The following MMP12 variants were observed in gnomAD, a reference collection of about 807,000 sequenced individuals.
The protein encoded by MMP12 is matrix metallopeptidase 12.
Under a neutral mutation model 45.2 loss-of-function variants are expected in MMP12, and 51 were observed. The observed-to-expected ratio is 1.13, with a 90% CI of 0.90 to 1.42. The LOEUF is 1.42. MMP12 is among the 40% of genes most tolerant of loss of function. The probability of loss-of-function intolerance (pLI) is 0.00; values close to 1 mark genes in which losing one functional copy is unlikely to be tolerated. For missense variants in MMP12, 530 were observed against 570.8 expected, an observed-to-expected ratio of 0.93 and a Z score of 0.73; for synonymous variants, 210 against 193.3, an observed-to-expected ratio of 1.09 and a Z score of -0.72.
intron 4 of MMP12, among the ~76,000 whole-genome samples, chr11:102,870,486 A>G (rs1304233232): frequency 6.6e-6 from 1 of 152,250 alleles, no homozygotes; most frequent in Non-Finnish European, 1.5e-5. Context: ...GTGCAATATC[A>G]GCTAGAGAGG....
At chr11:102,872,441 C>T (rs555802742) in intron 2 of MMP12, among the ~76,000 whole-genome samples, 5 of 152,020 alleles carry the variant, frequency 3.3e-5, no homozygotes, top group East Asian at 1.9e-4. Flanking sequence ...CCTGGGTTCA[C>T]GCCATTCTCC....
chr11:102,863,357 G>A (rs1859326558), intron 9 of MMP12, among the ~76,000 whole-genome samples, 157 bp from the exon 10 acceptor site: 1 of 152,144 alleles, frequency 6.6e-6, no homozygotes, highest in African/African-American at 2.4e-5. Context: ...GCTGAGATGG[G>A]AAGACTGCTT....
chr11:102,864,280 T>G (rs1406018240), intron 8 of MMP12, 28 bp from the exon 9 acceptor site: 1 of 1,528,132 alleles, frequency 6.5e-7, no homozygotes, highest in Non-Finnish European at 9.1e-7. Context: ...CAGCAGGAAC[T>G]CAATCAGAAA....
chr11:102,873,454 T>C (rs1480787736), intron 1 of MMP12, among the ~76,000 whole-genome samples: 1 of 151,826 alleles, frequency 6.6e-6, no homozygotes, highest in East Asian at 1.9e-4. Context: ...ACAAAAATTA[T>C]CCCAGAGCGT....
At position 102,863,195 on chromosome 11, in the gene MMP12, A is replaced by C. The variant is rs1555008062; in HGVS notation, c.1318T>G (p.Tyr440Asp). The C allele has an allele frequency of 6.4e-7, 1 of 1,568,006 alleles. No homozygotes were observed. Among genetic ancestry groups the C allele is most frequent in the East Asian group, 2.3e-5 (1 of 44,430 alleles). The change falls in exon 10 of 10, where the codon TAC (tyrosine) becomes GAC (aspartate). Residue 440 changes from tyrosine (Y) to aspartate (D), a missense_variant. Tyr to Asp is a radical substitution (Grantham distance 160). Transcript: ENST00000571244. ...DAVFYSKNKYYYFFQGSNQFE... is the reference protein window; with the variant it reads ...DAVFYSKNKYDYFFQGSNQFE... ...TGGTTAGATCCTTGGAAGAAATAGT[A>C]GTATTCTGAAAATGAAAACAAATTA...
intron 8 of MMP12, among the ~76,000 whole-genome samples, chr11:102,864,845 A>G (rs948467911): frequency 1.3e-5 from 2 of 152,172 alleles, no homozygotes; most frequent in East Asian, 1.9e-4. Flanking sequence ...GTGTTTATCA[A>G]TTTGGTTCTC....
rs148977841 is a variant in MMP12, at chr11:102,862,783, G to A, written c.*317C>T. On this transcript the variant is annotated 3_prime_UTR_variant, in exon 10 of 10. Transcript: ENST00000571244. ...GCCAAAATATATATACTTAATTTTA[G>A]TTATGCCAGAAGTAAGTATAATTTC... 12 of 173,886 alleles carry A rather than the reference G, an allele frequency of 6.9e-5. No homozygotes were observed. The East Asian group carries it at 1.6e-3, about 23-fold the overall frequency. 10.8% of individuals were successfully genotyped at this position (173,886 alleles called of 1,614,324 possible). A position where few individuals can be genotyped will look rare whatever the true frequency, so the allele number is the denominator to read the frequency against.
chr11:102,867,775 C>T (rs1859421166), intron 5 of MMP12, 133 bp downstream of exon 5: 1 of 902,234 alleles, frequency 1.1e-6, no homozygotes, highest in Non-Finnish European at 1.7e-6. Context: ...ATACCTGTGT[C>T]ACCTGCCACA....
intron 1 of MMP12, among the ~76,000 whole-genome samples, chr11:102,874,271 G>T (rs1462507094): frequency 1.3e-5 from 2 of 151,998 alleles, no homozygotes; most frequent in Non-Finnish European, 2.9e-5. Context: ...ATGGGGCCTG[G>T]CATGGTGGCT....
intron 4 of MMP12, among the ~76,000 whole-genome samples, chr11:102,871,163 C>T (rs1352145199): frequency 2.6e-5 from 4 of 151,906 alleles, no homozygotes; most frequent in African/African-American, 7.3e-5. Flanking sequence ...ACAGGAGTTC[C>T]GGGCTGTAGT....
rs567817809 is a variant in MMP12 at position 102,867,394 on chromosome 11, C to A, written c.788-1G>T. The A allele has an allele frequency of 6.2e-7, 1 of 1,601,248 alleles. No homozygotes were observed. Among genetic ancestry groups the A allele is most frequent in the Admixed American group, 1.8e-5 (1 of 56,918 alleles). ...AAGCGTTGGTTCTCTTTTGGGTCTC[C>A]TGAAAATACATTTCGAGAAGCATTA... On this transcript the variant is annotated splice_acceptor_variant, in intron 5 of 9. Transcript: ENST00000571244. LOFTEE classifies it high-confidence loss of function.
At chr11:102,864,125 A>G in intron 9 of MMP12, 21 bp downstream of exon 9, 1 of 1,475,020 alleles carries the variant, frequency 6.8e-7, no homozygotes, top group East Asian at 2.3e-5. Context: ...CAGTATCTTC[A>G]TGGTTTCCTC....
chr11:102,869,764 A>G (rs75187842), intron 4 of MMP12, among the ~76,000 whole-genome samples: 1 of 151,822 alleles, frequency 6.6e-6, no homozygotes, highest in South Asian at 2.1e-4. Context: ...AAAAAAAAAA[A>G]TTAGCAGGGC....
At chr11:102,866,202 A>T in intron 7 of MMP12, 113 bp downstream of exon 7, 1 of 1,100,420 alleles carries the variant, frequency 9.1e-7, no homozygotes, top group Non-Finnish European at 1.3e-6. Flanking sequence ...AGCCACTATT[A>T]ATAAAATCAA....
chr11:102,865,665 G>A lies in MMP12; in HGVS notation c.1205+111C>T. The A allele has an allele frequency of 1.3e-6, 1 of 779,014 alleles. No homozygotes were observed. The highest frequency in any genetic ancestry group is 2.8e-5 in the East Asian group (1 of 36,290). The allele number at this position is 779,014 out of a possible 1,614,324, so 48.3% of individuals were successfully genotyped here. On this transcript the variant is annotated intron_variant, in intron 8 of 9. Coordinates refer to ENST00000571244, the MANE Select transcript of MMP12 (RefSeq NM_002426.6). The surrounding 1 kb of genome is among the most constrained non-coding windows in gnomAD (Gnocchi z 4.1). Reference sequence around the variant, plus strand: ...CTATATTCTCTTAATCTCTCTCCCTGGAAGGTCAAGGAGCTTTGGGAATTT... The same window carrying A: ...CTATATTCTCTTAATCTCTCTCCCTAGAAGGTCAAGGAGCTTTGGGAATTT...
At chr11:102,869,877 C>G (rs1254972620) in intron 4 of MMP12, among the ~76,000 whole-genome samples, 1 of 152,128 alleles carries the variant, frequency 6.6e-6, no homozygotes, top group South Asian at 2.1e-4. Context: ...TGAGATTGCA[C>G]CACTGCACTC....
chr11:102,869,310 G>A (rs1371640581), intron 4 of MMP12, among the ~76,000 whole-genome samples: 1 of 152,018 alleles, frequency 6.6e-6, no homozygotes, highest in African/African-American at 2.4e-5. Flanking sequence ...CACAAATCAA[G>A]AATTTTCTGT....
intron 5 of MMP12, 42 bp from the exon 6 acceptor site, chr11:102,867,435 A>G (rs782788705): frequency 1.9e-6 from 3 of 1,570,248 alleles, no homozygotes; most frequent in East Asian, 4.5e-5. Context: ...CAAAATCTGC[A>G]TTGTAGTTCA....
intron 4 of MMP12, among the ~76,000 whole-genome samples, chr11:102,868,916 T>C (rs1555009005): frequency 6.6e-6 from 1 of 152,202 alleles, no homozygotes; most frequent in African/African-American, 2.4e-5. Context: ...TGTCTTTTTT[T>C]TGAGCCCCAT....
Sources: allele counts gnomAD v4.1 joint callset (sites outside exome capture counted in the v4.1 genomes callset), GRCh38; gene constraint gnomAD v4.1.1; non-coding constraint Gnocchi (gnomAD v3.1); transcripts MANE v1.5; gene names NCBI Gene and HGNC (gene_info 2026-07-23, HGNC 2026-07-21).